CAMTA1: variants seen among roughly 807,000 people sequenced by gnomAD.
CAMTA1 encodes the protein calmodulin-binding transcription activator 1.
A neutral mutation model predicts 170.9 loss-of-function variants in CAMTA1; 27 were observed. That is an observed-to-expected ratio of 0.16 (90% CI 0.12 to 0.22). The LOEUF (loss-of-function observed/expected upper bound fraction) is 0.22, where lower values mean the gene tolerates loss of function less well. CAMTA1 is among the 10% of genes least tolerant of loss of function. The probability of loss-of-function intolerance (pLI) is 1.00; values close to 1 mark genes in which losing one functional copy is unlikely to be tolerated. For synonymous variants in CAMTA1, 833 were observed against 891.5 expected, an observed-to-expected ratio of 0.93 and a Z score of 1.17; for missense variants, 1,619 against 2,217.2, an observed-to-expected ratio of 0.73 and a Z score of 5.42.
chr1:6,896,071 C>G (rs990012846), intron 3 of CAMTA1, among the ~76,000 whole-genome samples: 14 of 152,174 alleles, frequency 9.2e-5, no homozygotes, highest in African/African-American at 3.4e-4. Context: ...AGAGCTCCCA[C>G]TTGGTGGAAC....
intron 6 of CAMTA1, among the ~76,000 whole-genome samples, chr1:7,605,513 G>A (rs1331249961): frequency 1.3e-5 from 2 of 152,198 alleles, no homozygotes; most frequent in Non-Finnish European, 2.9e-5. Flanking sequence ...CTGGTGTGCC[G>A]TTTGCTAAGA....
At chr1:7,572,800 A>G (rs2095140873) in intron 6 of CAMTA1, among the ~76,000 whole-genome samples, 1 of 152,250 alleles carries the variant, frequency 6.6e-6, no homozygotes, top group Non-Finnish European at 1.5e-5. Flanking sequence ...AGCAGAAAGG[A>G]AGCTTGCTAA....
chr1:6,998,624 C>T (rs985520650), intron 3 of CAMTA1, among the ~76,000 whole-genome samples: 15 of 152,230 alleles, frequency 9.9e-5, no homozygotes, highest in African/African-American at 7.2e-5. Context: ...GTGCACCTTG[C>T]GTTTCGTCTC....
At chr1:7,081,685 T>C (rs1640029398) in intron 3 of CAMTA1, among the ~76,000 whole-genome samples, 1 of 152,158 alleles carries the variant, frequency 6.6e-6, no homozygotes, top group Non-Finnish European at 1.5e-5. Context: ...AGCCAGCAGG[T>C]TGAGGTGGTG....
At position 7,633,574 on chromosome 1, in the gene CAMTA1, C is replaced by T. The variant is rs970839060; in HGVS notation, c.511-6826C>T. Among the ~76,000 whole-genome samples, 8 of 152,136 alleles carry T rather than the reference C, an allele frequency of 5.3e-5. No individual in the cohort carries two copies. The highest frequency in any genetic ancestry group is 9.7e-5 in the African/African-American group (4 of 41,416). ...GATTGGTCCTGAGACACTGAGTCTC[C>T]GGAGAGGAGACAGCCACCCCTGCAC... On this transcript the variant is annotated intron_variant, in intron 6 of 22. Transcript: ENST00000303635. The surrounding 1 kb of genome is among the most constrained non-coding windows in gnomAD (Gnocchi z 4.1).
At chr1:7,737,081 C>T (rs780928220) in intron 14 of CAMTA1, 72 bp downstream of exon 14, 143 of 1,391,396 alleles carry the variant, frequency 1.0e-4, no homozygotes, top group Admixed American at 4.3e-4. Flanking sequence ...TGGTTCCCAC[C>T]GTTGTCTCTT....
intron 9 of CAMTA1, among the ~76,000 whole-genome samples, chr1:7,667,940 C>T (rs148237668): frequency 4.8e-4 from 73 of 152,342 alleles, no homozygotes; most frequent in African/African-American, 1.7e-3. Context: ...GTGAAGGGCC[C>T]CTTCCTCCTT....
intron 5 of CAMTA1, among the ~76,000 whole-genome samples, chr1:7,313,665 A>G (rs1677078237): frequency 6.6e-6 from 1 of 152,240 alleles, no homozygotes; most frequent in Non-Finnish European, 1.5e-5. Context: ...TTACTCCACT[A>G]TATGAAAGTC....
chr1:7,503,193 G>T (rs772225962), intron 6 of CAMTA1, among the ~76,000 whole-genome samples: 2 of 152,210 alleles, frequency 1.3e-5, no homozygotes, highest in Non-Finnish European at 2.9e-5. Flanking sequence ...AGGGCCAGAC[G>T]ATCAGAAAAG....
intron 21 of CAMTA1, among the ~76,000 whole-genome samples, chr1:7,755,113 G>C (rs1279394091): frequency 6.6e-6 from 1 of 152,044 alleles, no homozygotes; most frequent in African/African-American, 2.4e-5. Flanking sequence ...ATCACTTGAG[G>C]TCAGGAGTTT....
intron 4 of CAMTA1, among the ~76,000 whole-genome samples, chr1:7,101,462 T>A (rs998736182): frequency 1.3e-5 from 2 of 152,244 alleles, no homozygotes; most frequent in South Asian, 4.1e-4. Context: ...CCTGTGCTGT[T>A]TGGCTAGGAG....
chr1:7,143,531 C>T (rs1033310972), intron 4 of CAMTA1, among the ~76,000 whole-genome samples: 5 of 152,160 alleles, frequency 3.3e-5, no homozygotes, highest in Non-Finnish European at 7.3e-5. Context: ...ATTATTCTTT[C>T]GGGCAGTGCA....
intron 4 of CAMTA1, among the ~76,000 whole-genome samples, chr1:7,191,787 T>A (rs1654574373): frequency 6.6e-6 from 1 of 152,140 alleles, no homozygotes; most frequent in Admixed American, 6.5e-5. Flanking sequence ...TGGTTTGCAG[T>A]CCCCAGGAAT....
chr1:7,482,664 G>A lies in CAMTA1; in HGVS notation c.510+14763G>A, dbSNP rs1302957588. Among the ~76,000 whole-genome samples, 3 of 152,220 alleles carry A rather than the reference G, an allele frequency of 2.0e-5. No individual in the cohort carries two copies. Among genetic ancestry groups the A allele is most frequent in the Non-Finnish European group, 2.9e-5 (2 of 68,038 alleles). ...CTGTGAGCTTAGCTTGGAGGATTGA[G>A]AAGGAAATTCGGGGCAGAAACGTTT... On this transcript the variant is annotated intron_variant, in intron 6 of 22. Transcript: ENST00000303635. The surrounding 1 kb of genome is among the most constrained non-coding windows in gnomAD (Gnocchi z 4.2).
intron 3 of CAMTA1, among the ~76,000 whole-genome samples, chr1:6,995,959 G>T (rs1274186043): frequency 6.6e-6 from 1 of 152,232 alleles, no homozygotes; most frequent in Non-Finnish European, 1.5e-5. Flanking sequence ...GGCAAGTAGG[G>T]CAGGGGAACA....
intron 4 of CAMTA1, among the ~76,000 whole-genome samples, chr1:7,100,540 C>A (rs1642595363): frequency 6.6e-6 from 1 of 152,190 alleles, no homozygotes. Flanking sequence ...TTTCAGTCTG[C>A]AGAAAGAAAT....
chr1:7,518,603 C>G (rs1331849738), intron 6 of CAMTA1, among the ~76,000 whole-genome samples: 1 of 151,996 alleles, frequency 6.6e-6, no homozygotes, highest in East Asian at 1.9e-4. Flanking sequence ...CCACACTGCC[C>G]TCAGGAGAAA....
At chr1:7,043,440 T>C (rs1704811124) in intron 3 of CAMTA1, among the ~76,000 whole-genome samples, 1 of 152,180 alleles carries the variant, frequency 6.6e-6, no homozygotes, top group Admixed American at 6.5e-5. Flanking sequence ...CCTACAGCTA[T>C]TTGGTGTTAA....
In CAMTA1 at chr1:7,738,361, G is replaced by C. The variant is rs752632950; in HGVS notation, c.4061G>C (p.Arg1354Pro). 8.7e-6 allele frequency: 14 copies of C among 1,614,070 alleles called. No individual in the cohort carries two copies. The highest frequency in any genetic ancestry group is 1.2e-5 in the Non-Finnish European group (14 of 1,180,040). ...VGKEAAPSQVRPREPMSVLMM... is the reference protein window; with the variant it reads ...VGKEAAPSQVPPREPMSVLMM... Reference sequence around the variant, plus strand: ...AAGGAGGCAGCACCTTCACAGGTGCGTCCACGGGAACCAATGAGTGTCCTG... The same window carrying C: ...AAGGAGGCAGCACCTTCACAGGTGCCTCCACGGGAACCAATGAGTGTCCTG... Residue 1354 changes from arginine to proline, a missense_variant, in exon 16 of 23, where the codon CGT (arginine) becomes CCT (proline). Around this residue, in one of 8 missense-constraint regions of CAMTA1, gnomAD observed 370 missense variants for 429.4 expected, o/e 0.86. Coordinates refer to ENST00000303635, the MANE Select transcript of CAMTA1 (RefSeq NM_015215.4). The surrounding 1 kb of genome is among the most constrained non-coding windows in gnomAD (Gnocchi z 4.9).
Sources: allele counts gnomAD v4.1 joint callset (sites outside exome capture counted in the v4.1 genomes callset), GRCh38; gene constraint gnomAD v4.1.1; regional missense constraint gnomAD v4.1.1; non-coding constraint Gnocchi (gnomAD v3.1); transcripts MANE v1.5; gene names NCBI Gene and HGNC (gene_info 2026-07-23, HGNC 2026-07-21).